The following PLXNA4 variants were observed in gnomAD, a reference collection of about 807,000 sequenced individuals.
PLXNA4 encodes the protein plexin A4.
Under a neutral mutation model 191.8 loss-of-function variants are expected in PLXNA4, and 44 were observed. The observed-to-expected ratio is 0.23, with a 90% CI of 0.18 to 0.29. The LOEUF (loss-of-function observed/expected upper bound fraction) is 0.29, where lower values mean the gene tolerates loss of function less well. Among genes scored for constraint, PLXNA4 ranks in the 10% least tolerant of loss-of-function variants. PLXNA4 has a pLI of 1.00. For missense variants in PLXNA4, 1,800 were observed against 2,488.8 expected (o/e 0.72, Z 5.89); for synonymous variants, 1,082 against 1,009.5 (o/e 1.07, Z -1.36).
chr7:132,556,186 C>T (rs928242528), intron 1 of PLXNA4, among the ~76,000 whole-genome samples: 1 of 152,244 alleles, frequency 6.6e-6, no homozygotes, highest in African/African-American at 2.4e-5. Context: ...AACTTTCTCA[C>T]TTCCTGACAC....
chr7:132,211,216 C>G lies in PLXNA4; in HGVS notation c.2098-73G>C. On this transcript the variant is annotated intron_variant, in intron 9 of 31. Transcript: ENST00000321063. Reference sequence around the variant, plus strand: ...GAGCAAGGACCTCTGCAGACATAACCCGGATGTTCCCTGTCTCCACCCTTC... The same window carrying G: ...GAGCAAGGACCTCTGCAGACATAACGCGGATGTTCCCTGTCTCCACCCTTC... 3 of 1,455,096 alleles carry G rather than the reference C, an allele frequency of 2.1e-6. No individual in the cohort carries two copies. In the South Asian group the frequency reaches 3.8e-5, roughly 18 times the overall value. 90.1% of individuals were successfully genotyped at this position (1,455,096 alleles called of 1,614,324 possible).
At position 132,180,316 on chromosome 7, in the gene PLXNA4, C is replaced by G. The variant is rs142272216; in HGVS notation, c.3639+270G>C. On this transcript the variant is annotated intron_variant, in intron 19 of 31. Coordinates refer to ENST00000321063, the MANE Select transcript of PLXNA4 (RefSeq NM_020911.2). Reference sequence around the variant, plus strand: ...TCCCTGGGCCAGCAACAGCCTTCTCCTTGAAGGCTTTGTTTGTTGCAGGTG... The same window carrying G: ...TCCCTGGGCCAGCAACAGCCTTCTCGTTGAAGGCTTTGTTTGTTGCAGGTG... 4.4e-3 allele frequency among the ~76,000 whole-genome samples: 675 copies of G among 152,308 alleles called. 3 individuals are homozygous for G. Among genetic ancestry groups the G allele is most frequent in the African/African-American group, 0.015 (633 of 41,550 alleles).
chr7:132,393,694 T>C (rs1042304932), intron 3 of PLXNA4, among the ~76,000 whole-genome samples: 5 of 152,060 alleles, frequency 3.3e-5, no homozygotes, highest in Admixed American at 2.6e-4. Flanking sequence ...TAAGTAGACA[T>C]GGCAAGGGAA....
At chr7:132,413,298 G>A (rs1038645384) in intron 3 of PLXNA4, among the ~76,000 whole-genome samples, 6 of 152,134 alleles carry the variant, frequency 3.9e-5, no homozygotes, top group African/African-American at 1.4e-4. Context: ...CTTCCCTGGA[G>A]CAGCCCAGGG....
chr7:132,575,369 G>C (rs1695052561), intron 1 of PLXNA4, among the ~76,000 whole-genome samples: 1 of 152,218 alleles, frequency 6.6e-6, no homozygotes. Flanking sequence ...GGCTCTGGGG[G>C]ACGCTGGCAG....
At chr7:132,137,502 C>CTGT (rs776433143) in intron 30 of PLXNA4, among the ~76,000 whole-genome samples, 5 of 152,254 alleles carry the variant, frequency 3.3e-5, no homozygotes, top group African/African-American at 4.8e-5. Context: ...GGTGATGACA[C>CTGT]TGTTGTGTTT....
chr7:132,419,383 A>T (rs1050007466), intron 3 of PLXNA4, among the ~76,000 whole-genome samples: 12 of 152,220 alleles, frequency 7.9e-5, no homozygotes, highest in African/African-American at 2.9e-4. Context: ...TTCATCCCAG[A>T]TAACTGGGTG....
chr7:132,341,001 C>T (rs1263422644), intron 3 of PLXNA4, among the ~76,000 whole-genome samples: 1 of 152,106 alleles, frequency 6.6e-6, no homozygotes, highest in Non-Finnish European at 1.5e-5. Context: ...CTTAACTCAT[C>T]CTGCAGAACC....
chr7:132,257,664 A>T (rs1438638704), intron 4 of PLXNA4, among the ~76,000 whole-genome samples: 1 of 152,212 alleles, frequency 6.6e-6, no homozygotes, highest in Non-Finnish European at 1.5e-5. Flanking sequence ...AGGTGGGCCA[A>T]TTCTTTAGGA....
At chr7:132,164,319 G>C in intron 23 of PLXNA4, 31 bp from the exon 24 acceptor site, 1 of 1,611,270 alleles carries the variant, frequency 6.2e-7, no homozygotes, top group Non-Finnish European at 8.5e-7. Flanking sequence ...ATTAGGAGGA[G>C]CTCTTGGAAC....
In PLXNA4 at chr7:132,123,550, T is replaced by TAATA. The variant is rs1554444763; in HGVS notation, c.*6925_*6928dup. On this transcript the variant is annotated 3_prime_UTR_variant, in exon 32 of 32. Transcript: ENST00000321063. The stretch of plus-strand genomic sequence containing the variant: ...TTTTAAAAACTTTTTAATTTTTTTT[T>TAATA]AATATTTTACTAGGATACTCTTCTT... 2 of 152,112 alleles carry TAATA rather than the reference T, an allele frequency of 1.3e-5. No individual in the cohort carries two copies. Among genetic ancestry groups the TAATA allele is most frequent in the Admixed American group, 1.3e-4 (2 of 15,278 alleles). 9.4% of individuals were successfully genotyped at this position (152,112 alleles called of 1,614,324 possible). A position where few individuals can be genotyped will look rare whatever the true frequency, so the allele number is the denominator to read the frequency against.
chr7:132,318,431 G>A (rs1802030250), intron 3 of PLXNA4, among the ~76,000 whole-genome samples: 1 of 152,186 alleles, frequency 6.6e-6, no homozygotes, highest in East Asian at 1.9e-4. Context: ...TAAGCTGGGG[G>A]AGGGTCAGCT....
intron 3 of PLXNA4, among the ~76,000 whole-genome samples, chr7:132,368,178 G>A (rs567917850): frequency 1.3e-5 from 2 of 152,320 alleles, no homozygotes; most frequent in South Asian, 4.1e-4. Flanking sequence ...CGTGATCAAA[G>A]GAGGGGCAGT....
chr7:132,421,222 T>A (rs954586312), intron 3 of PLXNA4, among the ~76,000 whole-genome samples: 13 of 152,236 alleles, frequency 8.5e-5, no homozygotes, highest in Admixed American at 2.6e-4. Context: ...CTTATTTCAC[T>A]TAAACCTCAT....
chr7:132,435,450 G>C (rs367786991), intron 3 of PLXNA4, among the ~76,000 whole-genome samples: 8 of 152,094 alleles, frequency 5.3e-5, no homozygotes, highest in African/African-American at 1.7e-4. Flanking sequence ...CCAGCCACGG[G>C]GCTCCCAAGC....
intron 26 of PLXNA4, 36 bp downstream of exon 26, chr7:132,148,507 G>A: frequency 6.2e-7 from 1 of 1,612,892 alleles, no homozygotes; most frequent in Non-Finnish European, 8.5e-7. Flanking sequence ...GGGACTTGTA[G>A]TTGGCTAGCT....
exon 1 of PLXNA4, chr7:132,648,554 TC>T (rs1803930070): frequency 6.6e-6 from 1 of 152,168 alleles, no homozygotes; most frequent in Non-Finnish European, 1.5e-5. Context: ...AAGGTTTCAG[TC>T]CCCATGTTCC....
At chr7:132,307,899 G>A (rs77748652) in intron 3 of PLXNA4, among the ~76,000 whole-genome samples, 4,965 of 152,214 alleles carry the variant, frequency 0.033, 292 homozygotes, top group African/African-American at 0.11. Flanking sequence ...TGCACAAATC[G>A]TGTGCCGTGT....
chr7:132,622,546 GA>G (rs59775711), intron 2 of PLXNA4, among the ~76,000 whole-genome samples: 2,986 of 141,792 alleles, frequency 0.021, 107 homozygotes, highest in African/African-American at 0.066. Context: ...CTATCTGAAG[GA>G]AAAAAAAAAA....
Sources: allele counts gnomAD v4.1 joint callset (sites outside exome capture counted in the v4.1 genomes callset), GRCh38; gene constraint gnomAD v4.1.1; transcripts MANE v1.5; gene names NCBI Gene and HGNC (gene_info 2026-07-23, HGNC 2026-07-21).